ATXN10: variants seen among roughly 807,000 people sequenced by gnomAD.
ATXN10 encodes ataxin-10.
In ATXN10, 28 loss-of-function variants were observed where a neutral mutation model predicts 52.9. The ratio of observed to expected loss-of-function variants is 0.53; its 90% confidence interval spans 0.39 to 0.73. The LOEUF (loss-of-function observed/expected upper bound fraction) is 0.73, where lower values mean the gene tolerates loss of function less well. ATXN10 is among the 30% of genes least tolerant of loss of function. The pLI, the probability that ATXN10 is intolerant of heterozygous loss-of-function variation, is 0.00. For missense variants in ATXN10, 565 were observed against 577.0 expected, an observed-to-expected ratio of 0.98 and a Z score of 0.21; for synonymous variants, 226 against 221.5, an observed-to-expected ratio of 1.02 and a Z score of -0.18.
intron 6 of ATXN10, among the ~76,000 whole-genome samples, chr22:45,724,858 AT>A (rs572340324): frequency 1.8e-4 from 28 of 151,926 alleles, no homozygotes; most frequent in Non-Finnish European, 3.8e-4. Flanking sequence ...ATCTAGTTTC[AT>A]TTTTCTACCT....
At position 45,789,861 on chromosome 22, in the gene ATXN10, C is replaced by T. The variant is rs1927448213; in HGVS notation, c.1174-17098C>T. Among the ~76,000 whole-genome samples, 1 of 152,106 alleles carries T rather than the reference C, an allele frequency of 6.6e-6. No individual in the cohort carries two copies. The highest frequency in any genetic ancestry group is 2.4e-5 in the African/African-American group (1 of 41,412). The stretch of plus-strand genomic sequence containing the variant: ...GCTGGTGAGGAGTGGATATTTTACC[C>T]CCAGAAGACTCTTAAGTGGGTCAGA... On this transcript the variant is annotated intron_variant, in intron 9 of 11. Coordinates refer to ENST00000252934, the MANE Select transcript of ATXN10 (RefSeq NM_013236.4). The surrounding 1 kb of genome is among the most constrained non-coding windows in gnomAD (Gnocchi z 4.0).
chr22:45,785,980 A>G (rs1160398659), intron 9 of ATXN10, among the ~76,000 whole-genome samples: 1 of 152,216 alleles, frequency 6.6e-6, no homozygotes, highest in Non-Finnish European at 1.5e-5. Flanking sequence ...TTCAACATTC[A>G]TTCACCAAAT....
At position 45,818,809 on chromosome 22, in the gene ATXN10, A is replaced by G. The variant is rs1928550903; in HGVS notation, c.1237+11787A>G. On this transcript the variant is annotated intron_variant, in intron 10 of 11. Coordinates refer to ENST00000252934, the MANE Select transcript of ATXN10 (RefSeq NM_013236.4). This position sits in a 1 kb window ranked among gnomAD's most constrained non-coding sequence, Gnocchi z 4.6. ...GGGCCACCATGTAACATTTATTTGA[A>G]AACAGAAACAAAACTGTATGTGGAC... 6.6e-6 allele frequency among the ~76,000 whole-genome samples: 1 copy of G among 152,094 alleles called. No homozygotes were observed. The highest frequency in any genetic ancestry group is 2.4e-5 in the African/African-American group (1 of 41,414).
rs1320465318 is a variant in ATXN10 at position 45,833,379 on chromosome 22, A to G, written c.1238-9612A>G. ...GCCCAGACACTGGTGTGTACAGCATAAGAGCGCTCCTTGACTCCTCAGGGC... is the reference window on the plus strand; with the variant it reads ...GCCCAGACACTGGTGTGTACAGCATGAGAGCGCTCCTTGACTCCTCAGGGC... On this transcript the variant is annotated intron_variant, in intron 10 of 11. Transcript: ENST00000252934. The surrounding 1 kb of genome is among the most constrained non-coding windows in gnomAD (Gnocchi z 4.3). 6.6e-6 allele frequency among the ~76,000 whole-genome samples: 1 copy of G among 152,194 alleles called. No homozygotes were observed. The highest frequency in any genetic ancestry group is 1.9e-4 in the East Asian group (1 of 5,202).
chr22:45,688,612 A>T lies in ATXN10; in HGVS notation c.117-1100A>T, dbSNP rs540561502. Among the ~76,000 whole-genome samples the T allele has an allele frequency of 6.6e-6, 1 of 152,348 alleles. No individual in the cohort carries two copies. The highest frequency in any genetic ancestry group is 1.9e-4 in the East Asian group (1 of 5,186). On this transcript the variant is annotated intron_variant, in intron 1 of 11. Coordinates refer to ENST00000252934, the MANE Select transcript of ATXN10 (RefSeq NM_013236.4). This position sits in a 1 kb window ranked among gnomAD's most constrained non-coding sequence, Gnocchi z 4.0. ...CTCTGCCCCCGGAAAAGGGGCTTCCATAGGTGTCTTCTGCGGCAACTGAGC... is the reference window on the plus strand; with the variant it reads ...CTCTGCCCCCGGAAAAGGGGCTTCCTTAGGTGTCTTCTGCGGCAACTGAGC...
intron 10 of ATXN10, among the ~76,000 whole-genome samples, chr22:45,808,238 A>G (rs1928167103): frequency 1.3e-5 from 2 of 152,192 alleles, no homozygotes; most frequent in Admixed American, 1.3e-4. Context: ...AAAAGAAGAA[A>G]GCTTCTAGTC....
intron 9 of ATXN10, among the ~76,000 whole-genome samples, chr22:45,756,507 G>T (rs912357529): frequency 6.6e-6 from 1 of 152,154 alleles, no homozygotes; most frequent in African/African-American, 2.4e-5. Context: ...TTTCCAAAAA[G>T]ATATATTTAT....
At chr22:45,682,822 C>T (rs751470367) in intron 1 of ATXN10, among the ~76,000 whole-genome samples, 2 of 152,224 alleles carry the variant, frequency 1.3e-5, no homozygotes, top group Non-Finnish European at 2.9e-5. Flanking sequence ...AAGAATCCAT[C>T]ATCAAGTCCT....
intron 10 of ATXN10, among the ~76,000 whole-genome samples, chr22:45,834,323 G>A (rs1424181808): frequency 2.0e-5 from 3 of 152,124 alleles, no homozygotes; most frequent in Admixed American, 6.5e-5. Context: ...TACCTGGCAG[G>A]TGAGGCCTGA....
At chr22:45,811,757 T>C (rs1928288874) in intron 10 of ATXN10, 1 of 471,082 alleles carries the variant, frequency 2.1e-6, no homozygotes, top group Admixed American at 2.3e-5. Context: ...AGTGACTTCC[T>C]AACTCATCTT....
chr22:45,738,452 T>C (rs1021402602), intron 7 of ATXN10: 9 of 379,156 alleles, frequency 2.4e-5, no homozygotes, highest in African/African-American at 1.9e-4. Context: ...TCTTTTTGCT[T>C]GAATAAGAAC....
rs376289185 is a variant in ATXN10, at chr22:45,773,922, T to G, written c.1174-33037T>G. Among the ~76,000 whole-genome samples the G allele has an allele frequency of 7.9e-5, 12 of 152,336 alleles. No individual in the cohort carries two copies. In the South Asian group the frequency reaches 1.9e-3, roughly 24 times the overall value. ...AGGATGGGTTTATCCACAGGTGTATTTCTATGTAATGATTTCCCATTAGTG... is the reference window on the plus strand; with the variant it reads ...AGGATGGGTTTATCCACAGGTGTATGTCTATGTAATGATTTCCCATTAGTG... On this transcript the variant is annotated intron_variant, in intron 9 of 11. Transcript: ENST00000252934.
intron 9 of ATXN10, among the ~76,000 whole-genome samples, chr22:45,806,716 T>G (rs1298641850): frequency 1.3e-5 from 2 of 152,210 alleles, no homozygotes; most frequent in Non-Finnish European, 2.9e-5. Flanking sequence ...CTTAGATTCT[T>G]TTTTATATGG....
Position 45,700,274 on chromosome 22 carries a change from A to G in ATXN10, c.392-8A>G. 6.3e-7 allele frequency: 1 copy of G among 1,582,192 alleles called. No individual in the cohort carries two copies. Among genetic ancestry groups the G allele is most frequent in the Non-Finnish European group, 8.7e-7 (1 of 1,151,980 alleles). ...ATTTATTTATTTATAACTTTTATAT[A>G]TTCTTAGCTTTTCGCTGTGGCCTGC... On this transcript the variant is annotated splice_region_variant and splice_polypyrimidine_tract_variant and intron_variant, in intron 3 of 11. Transcript: ENST00000252934.
At chr22:45,793,760 C>T (rs1176574657) in intron 9 of ATXN10, 7 of 1,413,434 alleles carry the variant, frequency 5.0e-6, no homozygotes, top group Admixed American at 2.7e-5. Flanking sequence ...TCCTGCCTTT[C>T]CCCAGTGATG....
At chr22:45,808,167 C>T (rs1928163985) in intron 10 of ATXN10, among the ~76,000 whole-genome samples, 1 of 152,026 alleles carries the variant, frequency 6.6e-6, no homozygotes, top group Non-Finnish European at 1.5e-5. Context: ...ATCATGAGTC[C>T]CTGAAGGCTG....
intron 3 of ATXN10, among the ~76,000 whole-genome samples, chr22:45,699,816 G>A (rs1601595154): frequency 6.7e-6 from 1 of 149,532 alleles, no homozygotes; most frequent in East Asian, 2.0e-4. Flanking sequence ...AATTTTGTAT[G>A]TAGAGTATAT....
intron 6 of ATXN10, among the ~76,000 whole-genome samples, chr22:45,721,374 TTA>T (rs1924643995): frequency 6.6e-6 from 1 of 152,290 alleles, no homozygotes; most frequent in African/African-American, 2.4e-5. Flanking sequence ...TTTGGATAGG[TTA>T]ATGAGAATAA....
Position 45,695,753 on chromosome 22 carries a change from A to G in ATXN10, c.391+2675A>G, listed in dbSNP as rs570138613. 1.7e-4 allele frequency among the ~76,000 whole-genome samples: 26 copies of G among 152,024 alleles called. No homozygotes were observed. The South Asian group carries it at 5.0e-3, about 29-fold the overall frequency. On this transcript the variant is annotated intron_variant, in intron 3 of 11. Coordinates refer to ENST00000252934, the MANE Select transcript of ATXN10 (RefSeq NM_013236.4). ...ATAATCTACCCACCTCGGCCTCTCAAAGTGCTGGGATTACAGGCATGAACC... is the reference window on the plus strand; with the variant it reads ...ATAATCTACCCACCTCGGCCTCTCAGAGTGCTGGGATTACAGGCATGAACC...
Sources: gnomAD v4.1 joint callset for allele counts (sites outside exome capture counted in the v4.1 genomes callset) on GRCh38, gnomAD v4.1.1 for gene constraint, Gnocchi (gnomAD v3.1) non-coding constraint, MANE v1.5 for transcripts, NCBI Gene and HGNC (gene_info 2026-07-23, HGNC 2026-07-21) for gene names.